HP: variants seen among roughly 807,000 people sequenced by gnomAD.
The protein encoded by HP is haptoglobin, also known as haptoglobin alpha(1S)-beta.
In HP, 9 loss-of-function variants were observed where a neutral mutation model predicts 23.2. The ratio of observed to expected loss-of-function variants is 0.39; its 90% CI spans 0.23 to 0.68. The LOEUF (loss-of-function observed/expected upper bound fraction) is 0.68. Among genes scored for constraint, HP ranks in the 30% least tolerant of loss-of-function variants. The pLI is 0.47. For synonymous variants in HP, 155 were observed against 183.3 expected, an observed-to-expected ratio of 0.85 and a Z score of 1.25; for missense variants, 433 against 483.6, an observed-to-expected ratio of 0.90 and a Z score of 0.98.
chr16:72,056,320 T>A (rs878865781), intron 2 of HP, 77 bp downstream of exon 2: 1 of 1,564,042 alleles, frequency 6.4e-7, no homozygotes, highest in South Asian at 1.1e-5. Flanking sequence ...GAACACCCAA[T>A]TCCCCCTTCT....
chr16:72,054,682 C>G, intron 1 of HP, 25 bp downstream of exon 1: 1 of 1,612,318 alleles, frequency 6.2e-7, no homozygotes, highest in Non-Finnish European at 8.5e-7. Context: ...TTCCCTCCTG[C>G]CTTTCCTCTG....
intron 2 of HP, 32 bp from the exon 3 acceptor site, chr16:72,056,498 T>C (rs1477919399): frequency 9.1e-6 from 13 of 1,430,342 alleles, no homozygotes; most frequent in African/African-American, 1.4e-5. Flanking sequence ...AATTTCCAAA[T>C]AGCAAACTCT....
chr16:72,058,977 A>C, intron 5 of HP, 137 bp from the exon 6 acceptor site: 2 of 987,638 alleles, frequency 2.0e-6, no homozygotes, highest in Non-Finnish European at 3.1e-6. Flanking sequence ...CCTCCTTCTC[A>C]TATACTCTCT....
chr16:72,059,534 T>C (rs1424315092), intron 6 of HP: 2 of 305,704 alleles, frequency 6.5e-6, no homozygotes, highest in Non-Finnish European at 1.2e-5. Context: ...TCTTAATCCA[T>C]GGAAGCCTAG....
chr16:72,060,686 C>G lies in HP; in HGVS notation c.1017C>G (p.Phe339Leu). 6.2e-7 allele frequency: 1 copy of G among 1,614,184 alleles called. No individual in the cohort carries two copies. Among genetic ancestry groups the G allele is most frequent in the Non-Finnish European group, 8.5e-7 (1 of 1,180,036 alleles). ...AGCCCATACTGAATGAACACACCTT[C>G]TGTGCTGGCATGTCTAAGTACCAAG... ...GVQPILNEHT[F>L]CAGMSKYQED... Residue 339 changes from phenylalanine to leucine, a missense_variant, in exon 7 of 7, where the codon TTC becomes TTG. By Grantham distance (22) the Phe-to-Leu change is conservative. This residue lies in a region of HP where 326 missense variants were observed against 358.1 expected (regional missense o/e 0.91). Transcript: ENST00000355906.
Position 72,060,338 on chromosome 16 carries a change from C to G in HP, c.669C>G (p.Leu223=), listed in dbSNP as rs749737759. ...TAKDIAPTLT[L]YVGKKQLVEI... ...AAGACATTGCCCCTACTTTAACACT[C>G]TATGTGGGGAAAAAGCAGCTTGTAG... The change falls in exon 7 of 7, where the codon CTC becomes CTG. Residue 223 remains leucine (L), a synonymous_variant. Transcript: ENST00000355906. 1.4e-5 allele frequency: 22 copies of G among 1,613,984 alleles called. No individual in the cohort carries two copies. The highest frequency in any genetic ancestry group is 8.0e-5 in the African/African-American group (6 of 74,908).
chr16:72,055,008 T>C (rs1358858908), intron 1 of HP: 4 of 462,588 alleles, frequency 8.6e-6, no homozygotes, highest in African/African-American at 3.9e-5. Flanking sequence ...GGAAGACTAA[T>C]AGTAACACAT....
At chr16:72,059,212 G>C (rs879163788) in intron 6 of HP, 24 bp downstream of exon 6, 1 of 1,564,238 alleles carries the variant, frequency 6.4e-7, no homozygotes, top group South Asian at 1.1e-5. Flanking sequence ...ACTTAAGAGA[G>C]CAGGCAGGCG....
chr16:72,056,240 G>C lies in HP; in HGVS notation c.85G>C (p.Ala29Pro). 1 of 1,613,722 alleles carries C rather than the reference G, an allele frequency of 6.2e-7. No homozygotes were observed. The highest frequency in any genetic ancestry group is 1.1e-5 in the South Asian group (1 of 91,070). The change falls in exon 2 of 7, where the codon GCA becomes CCA. Residue 29 changes from alanine (A) to proline (P), a missense_variant. Physicochemically the swap from Ala to Pro is conservative, Grantham distance 27. Transcript: ENST00000355906. ...VDSGNDVTDI[A>P]DDGCPKPPEI... Reference sequence around the variant, plus strand: ...CTCAGGCAATGATGTCACGGATATCGCAGGTCAGTCTTTGGTTGGGTAGGA... The same window carrying C: ...CTCAGGCAATGATGTCACGGATATCCCAGGTCAGTCTTTGGTTGGGTAGGA...
chr16:72,056,663 C>A (rs1463831399), intron 3 of HP, 32 bp downstream of exon 3: 8 of 835,804 alleles, frequency 9.6e-6, no homozygotes, highest in Non-Finnish European at 1.3e-5. Flanking sequence ...CCATGCCCTA[C>A]ATACAACCCC....
intron 1 of HP, chr16:72,055,923 G>C (rs1362327052): frequency 6.2e-6 from 4 of 647,792 alleles, no homozygotes. Flanking sequence ...GCAGGACAGG[G>C]CTTGCTGGAA....
In HP at chr16:72,060,322, C is replaced by A. The variant is rs142130323; in HGVS notation, c.653C>A (p.Ala218Asp). 1.2e-6 allele frequency: 2 copies of A among 1,614,112 alleles called. No homozygotes were observed. Among genetic ancestry groups the A allele is most frequent in the African/African-American group, 2.7e-5 (2 of 75,040 alleles). The change falls in exon 7 of 7, where the codon GCC becomes GAC. Residue 218 changes from alanine (A) to aspartate (D), a missense_variant. Ala to Asp is a moderately radical substitution (Grantham distance 126). Coordinates refer to ENST00000355906, the MANE Select transcript of HP (RefSeq NM_005143.5). ...HSENATAKDI[A>D]PTLTLYVGKK... ...GAAAATGCAACAGCGAAAGACATTG[C>A]CCCTACTTTAACACTCTATGTGGGG...
Position 72,054,519 on chromosome 16 carries a change from T to A in HP, c.-134T>A, listed in dbSNP as rs5469. On this transcript the variant is annotated 5_prime_UTR_variant, in exon 1 of 7. Coordinates refer to ENST00000355906, the MANE Select transcript of HP (RefSeq NM_005143.5). The stretch of plus-strand genomic sequence containing the variant: ...GTGGTTTTGTTACTGGAAAAGATAG[T>A]GACCTTACCAGGGCCAAAGTTTGTA... 0.021 allele frequency: 30,686 copies of A among 1,427,834 alleles called. 4,432 individuals carry two copies. The African/African-American group carries it at 0.35, about 16-fold the overall frequency. The allele number at this position is 1,427,834 out of a possible 1,614,324, so 88.4% of individuals were successfully genotyped here. A position where few individuals can be genotyped will look rare whatever the true frequency, so the allele number is the denominator to read the frequency against.
intron 6 of HP, 154 bp from the exon 7 acceptor site, chr16:72,059,958 A>T (rs2041514800): frequency 1.4e-6 from 2 of 1,433,852 alleles, no homozygotes; most frequent in Non-Finnish European, 1.9e-6. Context: ...TTAAAACTGC[A>T]ACTATTGGAA....
At position 72,054,898 on chromosome 16, in the gene HP, T is replaced by G. The variant is rs1202212046; in HGVS notation, c.5+241T>G. ...GTGTCTTTTTCCTTCAGGTTACATT[T>G]TTGACTTTATAGGGTATGTCATCAG... On this transcript the variant is annotated intron_variant, in intron 1 of 6. Coordinates refer to ENST00000355906, the MANE Select transcript of HP (RefSeq NM_005143.5). 6.1e-6 allele frequency: 5 copies of G among 825,342 alleles called. No individual in the cohort carries two copies. The African/African-American group carries it at 8.6e-5, about 14-fold the overall frequency. The allele number at this position is 825,342 out of a possible 1,614,324, so 51.1% of individuals were successfully genotyped here. A position where few individuals can be genotyped will look rare whatever the true frequency, so the allele number is the denominator to read the frequency against.
At chr16:72,056,086 T>G in intron 1 of HP, 75 bp from the exon 2 acceptor site, 3 of 1,529,310 alleles carry the variant, frequency 2.0e-6, no homozygotes, top group Non-Finnish European at 2.7e-6. Flanking sequence ...TGTACATGCA[T>G]GTGTGTGTGG....
In HP at chr16:72,061,037, A is replaced by G. The variant is rs2041538331; in HGVS notation, c.*147A>G. ...CCTGCATTGCTGAGTCAATCAATAA[A>G]GAGCTTTCTTTTGACCCATTTCTGT... On this transcript the variant is annotated 3_prime_UTR_variant, in exon 7 of 7. Transcript: ENST00000355906. 1 of 879,568 alleles carries G rather than the reference A, an allele frequency of 1.1e-6. No individual in the cohort carries two copies. The allele number at this position is 879,568 out of a possible 1,614,324, so 54.5% of individuals were successfully genotyped here. A position where few individuals can be genotyped will look rare whatever the true frequency, so the allele number is the denominator to read the frequency against.
Position 72,054,720 on chromosome 16 carries a change from C to A in HP, c.5+63C>A, listed in dbSNP as rs371450483. The A allele has an allele frequency of 3.1e-6, 5 of 1,611,464 alleles. No homozygotes were observed. In the African/African-American group the frequency reaches 6.7e-5, roughly 22 times the overall value. ...TCTTTATTTCAGTCTTTTTTGCATA[C>A]ATCGGTAGAGATGCAGAAATAGAAC... On this transcript the variant is annotated intron_variant, in intron 1 of 6. Transcript: ENST00000355906.
At chr16:72,059,475 C>G (rs1346197665) in intron 6 of HP, 4 of 492,724 alleles carry the variant, frequency 8.1e-6, no homozygotes, top group Non-Finnish European at 1.5e-5. Context: ...AGCCCTGGGT[C>G]TAAGGAGAAG....
Sources: gnomAD v4.1 joint callset for allele counts on GRCh38, gnomAD v4.1.1 for gene constraint, gnomAD v4.1.1 regional missense constraint, MANE v1.5 for transcripts, NCBI Gene and HGNC (gene_info 2026-07-23, HGNC 2026-07-21) for gene names.